The following NFX1 variants were observed in gnomAD, a reference collection of about 807,000 sequenced individuals.
The protein encoded by NFX1 is nuclear transcription factor, X-box binding 1.
In NFX1, 69 loss-of-function variants were observed where a neutral mutation model predicts 137.2. The ratio of observed to expected loss-of-function variants is 0.50; its 90% confidence interval spans 0.41 to 0.61. NFX1 has a LOEUF of 0.61. NFX1 is among the 20% of genes least tolerant of loss of function. NFX1 has a pLI of 0.00. For missense variants in NFX1, 1,167 were observed against 1,391.0 expected, an observed-to-expected ratio of 0.84 and a Z score of 2.56; for synonymous variants, 495 against 474.1, an observed-to-expected ratio of 1.04 and a Z score of -0.57.
intron 15 of NFX1, among the ~76,000 whole-genome samples, chr9:33,351,229 G>A (rs1157919996): frequency 6.6e-6 from 1 of 152,026 alleles, no homozygotes; most frequent in African/African-American, 2.4e-5. Context: ...AGGCCTAGGC[G>A]GGTGGATCGC....
At chr9:33,333,166 G>T (rs963149625) in intron 11 of NFX1, among the ~76,000 whole-genome samples, 1 of 152,020 alleles carries the variant, frequency 6.6e-6, no homozygotes, top group Non-Finnish European at 1.5e-5. Flanking sequence ...TTTTATAACC[G>T]ACACATACTG....
intron 11 of NFX1, among the ~76,000 whole-genome samples, chr9:33,334,440 G>A (rs1262720979): frequency 6.6e-6 from 1 of 152,120 alleles, no homozygotes; most frequent in Non-Finnish European, 1.5e-5. Context: ...TGGTGACAGA[G>A]CGAGACCCTA....
chr9:33,321,562 G>A (rs890854894), intron 9 of NFX1, among the ~76,000 whole-genome samples: 1 of 152,076 alleles, frequency 6.6e-6, no homozygotes, highest in Non-Finnish European at 1.5e-5. Context: ...AGCAAACAAA[G>A]CTAGGGAAAA....
intron 20 of NFX1, among the ~76,000 whole-genome samples, chr9:33,364,404 A>C (rs1435379356): frequency 3.3e-5 from 5 of 152,288 alleles, no homozygotes; most frequent in African/African-American, 9.6e-5. Flanking sequence ...TCTGGGCTTC[A>C]TTCCACTTCT....
chr9:33,352,471 C>T lies in NFX1; in HGVS notation c.2656-175C>T, dbSNP rs1198386872. The T allele has an allele frequency of 7.2e-6, 5 of 697,114 alleles. No individual in the cohort carries two copies. In the South Asian group the frequency reaches 7.5e-5, roughly 10 times the overall value. The allele number at this position is 697,114 out of a possible 1,614,324, so 43.2% of individuals were successfully genotyped here. On this transcript the variant is annotated intron_variant, in intron 16 of 23. Coordinates refer to ENST00000379540, the MANE Select transcript of NFX1 (RefSeq NM_002504.6). Reference sequence around the variant, plus strand: ...TGTGGACGGGGCAATTCTTTCCTAGCATGTCAACAACTGTGTCAGTTTGCA... The same window carrying T: ...TGTGGACGGGGCAATTCTTTCCTAGTATGTCAACAACTGTGTCAGTTTGCA...
intron 11 of NFX1, among the ~76,000 whole-genome samples, chr9:33,337,471 C>G (rs1165576458): frequency 6.6e-6 from 1 of 152,118 alleles, no homozygotes; most frequent in Non-Finnish European, 1.5e-5. Flanking sequence ...GTTTGTACAC[C>G]CATCTACTAA....
At chr9:33,329,302 G>T (rs1175322930) in intron 10 of NFX1, among the ~76,000 whole-genome samples, 2 of 152,136 alleles carry the variant, frequency 1.3e-5, no homozygotes, top group Non-Finnish European at 2.9e-5. Flanking sequence ...AGTTTTTATT[G>T]GTGCTCTATT....
Position 33,344,088 on chromosome 9 carries a change from C to T in NFX1, c.2244C>T (p.Cys748=). 6.2e-7 allele frequency: 1 copy of T among 1,613,960 alleles called. No homozygotes were observed. The highest frequency in any genetic ancestry group is 8.5e-7 in the Non-Finnish European group (1 of 1,179,892). Residue 748 remains cysteine, a synonymous_variant, in exon 14 of 24, where the codon TGC becomes TGT. Transcript: ENST00000379540. The part of the protein sequence containing the change: ...CWQASFDELT[C]HCGASVIYPP... ...CACCAGGTTTTGATGAATTAACCTG[C>T]CATTGTGGTGCATCAGTGATTTACC... is the stretch of plus-strand genomic sequence containing the variant.
At position 33,366,628 on chromosome 9, in the gene NFX1, G is replaced by T. The variant is rs1311689564; in HGVS notation, c.3040-1G>T. 1 of 1,613,864 alleles carries T rather than the reference G, an allele frequency of 6.2e-7. No homozygotes were observed. The highest frequency in any genetic ancestry group is 1.7e-5 in the Admixed American group (1 of 60,020). ...ATCAGTCATCTTTTCCCTCAATACAGGGAAAGAATAGTAAGAAAAGCCACA... is the reference window on the plus strand; with the variant it reads ...ATCAGTCATCTTTTCCCTCAATACATGGAAAGAATAGTAAGAAAAGCCACA... On this transcript the variant is annotated splice_acceptor_variant, in intron 21 of 23. Transcript: ENST00000379540. LOFTEE classifies it high-confidence loss of function.
At chr9:33,325,508 C>CA (rs1822550743) in intron 9 of NFX1, among the ~76,000 whole-genome samples, 1 of 151,872 alleles carries the variant, frequency 6.6e-6, no homozygotes, top group Non-Finnish European at 1.5e-5. Context: ...CTAAAAAATA[C>CA]AAAAAATTAG....
At chr9:33,354,725 C>A in intron 18 of NFX1, 126 bp from the exon 19 acceptor site, 1 of 815,888 alleles carries the variant, frequency 1.2e-6, no homozygotes, top group Non-Finnish European at 1.9e-6. Flanking sequence ...TGCTTCCTGG[C>A]CTGAGGGATT....
At chr9:33,332,450 A>G (rs1362594417) in intron 10 of NFX1, 22 bp from the exon 11 acceptor site, 7 of 1,590,476 alleles carry the variant, frequency 4.4e-6, no homozygotes, top group Non-Finnish European at 6.0e-6. Flanking sequence ...AGTAGTTACC[A>G]TTTCTTTTTC....
chr9:33,303,286 C>T lies in NFX1; in HGVS notation c.1270+18C>T. The T allele has an allele frequency of 6.2e-7, 1 of 1,603,308 alleles. No individual in the cohort carries two copies. Among genetic ancestry groups the T allele is most frequent in the East Asian group, 2.2e-5 (1 of 44,830 alleles). ...TTTCTGTGGTAAGTTTGTTTATATACACTGGAGTCTCTTTTACTACATACA... is the reference window on the plus strand; with the variant it reads ...TTTCTGTGGTAAGTTTGTTTATATATACTGGAGTCTCTTTTACTACATACA... On this transcript the variant is annotated intron_variant, in intron 4 of 23. Coordinates refer to ENST00000379540, the MANE Select transcript of NFX1 (RefSeq NM_002504.6).
intron 16 of NFX1, 182 bp downstream of exon 16, chr9:33,351,972 G>A (rs1823653826): frequency 1.8e-6 from 1 of 565,696 alleles, no homozygotes; most frequent in Admixed American, 3.6e-5. Context: ...ACTTGGTATG[G>A]CCTTTTGATT....
In NFX1 at chr9:33,351,733, G is replaced by A. The variant is rs748822455; in HGVS notation, c.2598G>A (p.Pro866=). Residue 866 remains proline (P), a synonymous_variant, in exon 16 of 24, where the codon CCG becomes CCA. Transcript: ENST00000379540. Reference sequence around the variant, plus strand: ...CCCCCAGAGCTGACTGTGGTCACCCGTGTATGGCACCCTGCCATACCAGCT... The same window carrying A: ...CCCCCAGAGCTGACTGTGGTCACCCATGTATGGCACCCTGCCATACCAGCT... The part of the protein sequence containing the change: ...CTTPRADCGH[P]CMAPCHTSSP... The A allele has an allele frequency of 3.8e-5, 62 of 1,612,288 alleles. No individual in the cohort carries two copies. The highest frequency in any genetic ancestry group is 4.8e-5 in the Non-Finnish European group (57 of 1,179,222).
rs758738066 is a variant in NFX1, at chr9:33,344,161, G to A, written c.2317G>A (p.Ala773Thr). ...GCCCCCTGAATGTACCCAAACCTGC[G>A]CTAGAGTCCATGAGTGTGACCATCC... ...TRPPECTQTC[A>T]RVHECDHPVY... Residue 773 changes from alanine (A) to threonine (T), a missense_variant, in exon 14 of 24, where the codon GCT becomes ACT. By Grantham distance (58) the Ala-to-Thr change is moderately conservative. Transcript: ENST00000379540. The A allele has an allele frequency of 1.1e-5, 17 of 1,614,004 alleles. No homozygotes were observed. The highest frequency in any genetic ancestry group is 5.0e-5 in the Admixed American group (3 of 60,006).
At chr9:33,300,986 G>A (rs1467917943) in intron 2 of NFX1, among the ~76,000 whole-genome samples, 1 of 152,202 alleles carries the variant, frequency 6.6e-6, no homozygotes, top group Non-Finnish European at 1.5e-5. Flanking sequence ...TGTTACAAGG[G>A]GCATTTGGCT....
At chr9:33,353,668 C>T (rs1823719189) in intron 17 of NFX1, among the ~76,000 whole-genome samples, 1 of 147,074 alleles carries the variant, frequency 6.8e-6, no homozygotes, top group Admixed American at 6.8e-5. Flanking sequence ...CACCAGTTTT[C>T]ATCTGATAGA....
chr9:33,346,075 A>G (rs928727380), intron 14 of NFX1, among the ~76,000 whole-genome samples: 1 of 152,238 alleles, frequency 6.6e-6, no homozygotes, highest in East Asian at 1.9e-4. Flanking sequence ...ACAGAACTTA[A>G]CAAATTCTTC....
Sources: allele counts gnomAD v4.1 joint callset (sites outside exome capture counted in the v4.1 genomes callset), GRCh38; gene constraint gnomAD v4.1.1; transcripts MANE v1.5; gene names NCBI Gene and HGNC (gene_info 2026-07-23, HGNC 2026-07-21).